Variants in PRKAR1A observed in about 807,000 individuals in gnomAD.
PRKAR1A encodes the protein cAMP-dependent protein kinase type I-alpha regulatory subunit.
Under a neutral mutation model 52.0 loss-of-function variants are expected in PRKAR1A, and 3 were observed. The observed-to-expected ratio is 0.06, with a 90% confidence interval of 0.03 to 0.15. PRKAR1A has a LOEUF of 0.15. Ranked by LOEUF, PRKAR1A falls within the 10% of genes least tolerant of loss-of-function variation. PRKAR1A has a pLI of 1.00. For missense variants in PRKAR1A, 240 were observed against 477.4 expected, an observed-to-expected ratio of 0.50 and a Z score of 4.63; for synonymous variants, 188 against 168.4, an observed-to-expected ratio of 1.12 and a Z score of -0.90.
the PRKAR1A span, among the ~76,000 whole-genome samples, chr17:68,493,968 T>G: frequency 6.6e-6 from 1 of 152,184 alleles, no homozygotes; most frequent in South Asian, 2.1e-4. Context: ...ATGGAGAATG[T>G]GGCAACATCG....
chr17:68,469,977 T>G, the PRKAR1A span, among the ~76,000 whole-genome samples: 1 of 152,198 alleles, frequency 6.6e-6, no homozygotes, highest in Admixed American at 6.5e-5. Context: ...AATTCTTATA[T>G]CTGCTTCTGT....
At chr17:68,435,603 G>A in the PRKAR1A span, 1 of 1,612,554 alleles carries the variant, frequency 6.2e-7, no homozygotes. Context: ...CAGAGGTGTT[G>A]GTGGGAGTGG....
At chr17:68,436,823 C>G in the PRKAR1A span, among the ~76,000 whole-genome samples, 1 of 152,060 alleles carries the variant, frequency 6.6e-6, no homozygotes, top group East Asian at 1.9e-4. Context: ...ATGGTGAAAC[C>G]CCATCTCTAC....
the PRKAR1A span, among the ~76,000 whole-genome samples, chr17:68,460,217 TCA>T: frequency 6.6e-6 from 1 of 152,232 alleles, no homozygotes; most frequent in South Asian, 2.1e-4. Flanking sequence ...TTTTAAGTGT[TCA>T]TGTAGCTGGT....
At chr17:68,453,730 C>T in the PRKAR1A span, among the ~76,000 whole-genome samples, 9 of 152,106 alleles carry the variant, frequency 5.9e-5, no homozygotes, top group East Asian at 5.8e-4. Flanking sequence ...CCACCTGCCT[C>T]GGCCTCCCAA....
the PRKAR1A span, among the ~76,000 whole-genome samples, chr17:68,499,536 G>C: frequency 6.6e-6 from 1 of 152,160 alleles, no homozygotes; most frequent in East Asian, 1.9e-4. Context: ...CCAGGCTTCC[G>C]ACCAGATGGG....
chr17:68,440,163 C>T, the PRKAR1A span, among the ~76,000 whole-genome samples: 2 of 152,180 alleles, frequency 1.3e-5, no homozygotes, highest in Non-Finnish European at 2.9e-5. Flanking sequence ...CAGGCTCGCA[C>T]CTCTACCAAT....
the PRKAR1A span, among the ~76,000 whole-genome samples, chr17:68,465,626 T>A: frequency 2.0e-5 from 1 of 49,932 alleles, no homozygotes; most frequent in Admixed American, 2.0e-4. Context: ...CGCCCAGCAA[T>A]TTTTTTTTTT....
At chr17:68,420,147 C>T in the PRKAR1A span, 1 of 1,604,742 alleles carries the variant, frequency 6.2e-7, no homozygotes, top group Non-Finnish European at 8.5e-7. Context: ...CACAGGGCAA[C>T]TGTCAGGGTT....
At chr17:68,427,337 A>G in the PRKAR1A span, 2 of 1,041,112 alleles carry the variant, frequency 1.9e-6, no homozygotes, top group African/African-American at 3.2e-5. Context: ...AGCATGAAGA[A>G]GCCTGTGCTC....
intron 11 of PRKAR1A, chr17:68,539,536 C>A: frequency 1.3e-6 from 1 of 767,574 alleles, no homozygotes; most frequent in Non-Finnish European, 2.3e-6. Flanking sequence ...TCTCCAGCCC[C>A]TCTCCCCAGT....
At chr17:68,439,206 TAAGTC>T in the PRKAR1A span, among the ~76,000 whole-genome samples, 1 of 152,140 alleles carries the variant, frequency 6.6e-6, no homozygotes, top group Non-Finnish European at 1.5e-5. Flanking sequence ...GCATTATTCA[TAAGTC>T]AAAAAGTGGA....
chr17:68,422,704 G>A, the PRKAR1A span: 1 of 129,366 alleles, frequency 7.7e-6, no homozygotes, highest in Non-Finnish European at 1.6e-5. Context: ...ATTCTAGCCT[G>A]AGGGACAGAG....
At chr17:68,434,912 C>A in the PRKAR1A span, among the ~76,000 whole-genome samples, 4 of 152,084 alleles carry the variant, frequency 2.6e-5, no homozygotes. Flanking sequence ...CTTAGAATTT[C>A]AATTTGAGGC....
At chr17:68,540,803 C>T in intron 11 of PRKAR1A, 2 of 1,559,852 alleles carry the variant, frequency 1.3e-6, no homozygotes, top group East Asian at 2.4e-5. Context: ...ACCCTAGCCA[C>T]ATAGCAGAGC....
Position 68,551,082 on chromosome 17 carries a change from A to C in PRKAR1A, c.974-2A>C. The C allele has an allele frequency of 8.1e-7, 1 of 1,234,356 alleles. No individual in the cohort carries two copies. 76.5% of individuals were successfully genotyped at this position (1,234,356 alleles called of 1,614,324 possible). ...CTCTTGGGGCGATTTTCTTTTCTGCAGGTCACCTCATCATCTCAAGGAGGA... is the reference window on the plus strand; with the variant it reads ...CTCTTGGGGCGATTTTCTTTTCTGCCGGTCACCTCATCATCTCAAGGAGGA... On this transcript the variant is annotated splice_acceptor_variant, in intron 11 of 11. Transcript: ENST00000585981. LOFTEE classifies it high-confidence loss of function.
chr17:68,538,747 A>T (rs1293137486), intron 11 of PRKAR1A, among the ~76,000 whole-genome samples: 5 of 152,252 alleles, frequency 3.3e-5, no homozygotes, highest in Admixed American at 3.3e-4. Context: ...CTGCAAAAAT[A>T]GGTGATTATC....
At chr17:68,539,693 C>T (rs933732682) in intron 11 of PRKAR1A, among the ~76,000 whole-genome samples, 2 of 152,226 alleles carry the variant, frequency 1.3e-5, no homozygotes, top group African/African-American at 4.8e-5. Flanking sequence ...TGCTCTCAGG[C>T]TGGAGGAGGA....
upstream of PRKAR1A, among the ~76,000 whole-genome samples, chr17:68,510,159 C>CAGAGAGAGAGAGAGAGGAGAG (rs373514373): frequency 2.4e-5 from 3 of 127,632 alleles, no homozygotes; most frequent in African/African-American, 8.7e-5. Context: ...TATATGTAGA[C>CAGAGAGAGAGAGAGAGGAGAG]AGAGAGAGAG....
Sources: gnomAD v4.1 joint callset for allele counts (sites outside exome capture counted in the v4.1 genomes callset) on GRCh38, gnomAD v4.1.1 for gene constraint, MANE v1.5 for transcripts, NCBI Gene and HGNC (gene_info 2026-07-23, HGNC 2026-07-21) for gene names.